LCORL: variants seen among roughly 807,000 people sequenced by gnomAD.
The protein encoded by LCORL is ligand-dependent nuclear receptor corepressor-like protein.
In LCORL, 41 loss-of-function variants were observed where a neutral mutation model predicts 141.8. The ratio of observed to expected loss-of-function variants is 0.29; its 90% CI spans 0.23 to 0.38. The LOEUF is 0.38. Among genes scored for constraint, LCORL ranks in the 10% least tolerant of loss-of-function variants. LCORL has a pLI of 1.00. For missense variants in LCORL, 1,759 were observed against 2,035.0 expected, an observed-to-expected ratio of 0.86 and a Z score of 2.61; for synonymous variants, 618 against 694.1, an observed-to-expected ratio of 0.89 and a Z score of 1.72.
chr4:17,954,592 G>A (rs977318973), intron 4 of LCORL, among the ~76,000 whole-genome samples: 3 of 11,794 alleles, frequency 2.5e-4, no homozygotes, highest in Non-Finnish European at 4.3e-4. Flanking sequence ...TGGTAAGATG[G>A]GGGGAGAAGT....
At chr4:17,938,898 C>T (rs1422135148) in intron 4 of LCORL, among the ~76,000 whole-genome samples, 1 of 152,074 alleles carries the variant, frequency 6.6e-6, no homozygotes, top group East Asian at 1.9e-4. Flanking sequence ...TCTTTACCTA[C>T]CCTAGGGAGG....
rs142884615 is a variant in LCORL, at chr4:17,909,311, T to C, written c.465A>G (p.Leu155=). 42 of 1,608,058 alleles carry C rather than the reference T, an allele frequency of 2.6e-5. No homozygotes were observed. The African/African-American group carries it at 5.5e-4, about 21-fold the overall frequency. Residue 155 remains leucine (L), a synonymous_variant, in exon 5 of 8, where the codon CTA becomes CTG. Transcript: ENST00000635767. ...TCTTTTTCATTAATTCCTGAGCAAC[T>C]AGGGGAATGTTAGGATCACAGTTCT...
chr4:17,874,855 T>G, exon 7 of LCORL: 1 of 1,233,780 alleles, frequency 8.1e-7, no homozygotes. Flanking sequence ...ATTTTCATCT[T>G]TGAGTGCCTA....
intron 6 of LCORL, among the ~76,000 whole-genome samples, chr4:17,880,151 A>C (rs1727367503): frequency 6.6e-6 from 1 of 151,048 alleles, no homozygotes; most frequent in Admixed American, 6.6e-5. Context: ...CAGCTTAAAA[A>C]AGGTATAAAT....
intron 7 of LCORL, among the ~76,000 whole-genome samples, chr4:17,863,938 G>C (rs74619517): frequency 6.6e-6 from 1 of 152,084 alleles, no homozygotes; most frequent in African/African-American, 2.4e-5. Context: ...GTAAGTGGAA[G>C]TTAAATACTG....
chr4:17,939,530 C>T lies in LCORL; in HGVS notation c.430+22373G>A, dbSNP rs1177662600. Among the ~76,000 whole-genome samples the T allele has an allele frequency of 2.0e-5, 3 of 152,152 alleles. No homozygotes were observed. The South Asian group carries it at 6.2e-4, about 32-fold the overall frequency. ...ACTTACACAAGAATGTTCATAGCAG[C>T]CTCATTAATAATCCCTAGCTATTTA... On this transcript the variant is annotated intron_variant, in intron 4 of 7. Transcript: ENST00000635767.
At chr4:17,892,308 G>A (rs899392558) in intron 5 of LCORL, among the ~76,000 whole-genome samples, 17 of 149,184 alleles carry the variant, frequency 1.1e-4, no homozygotes, top group African/African-American at 3.9e-4. Context: ...TCCTGGGTTC[G>A]AGTGATTCTC....
chr4:17,861,427 C>A (rs984111697), intron 7 of LCORL, among the ~76,000 whole-genome samples: 1 of 152,192 alleles, frequency 6.6e-6, no homozygotes, highest in Non-Finnish European at 1.5e-5. Context: ...GGACACAGGG[C>A]ACCAGGTCCC....
chr4:17,970,884 A>G (rs1033811492), intron 2 of LCORL, among the ~76,000 whole-genome samples: 2 of 152,218 alleles, frequency 1.3e-5, no homozygotes, highest in African/African-American at 2.4e-5. Context: ...GAACCCAAAT[A>G]AAATTCTATT....
At chr4:17,961,720 C>T (rs1713822232) in intron 4 of LCORL, among the ~76,000 whole-genome samples, 183 bp downstream of exon 4, 1 of 151,792 alleles carries the variant, frequency 6.6e-6, no homozygotes, top group Non-Finnish European at 1.5e-5. Flanking sequence ...ATGCCTAATA[C>T]AAGACTAGTA....
At chr4:17,864,493 C>T (rs1225859843) in intron 7 of LCORL, among the ~76,000 whole-genome samples, 1 of 152,096 alleles carries the variant, frequency 6.6e-6, no homozygotes, top group African/African-American at 2.4e-5. Context: ...TGAGCCGCCT[C>T]ACCTGGCCAG....
In LCORL at chr4:17,972,844, G is replaced by A. The variant is rs368138662; in HGVS notation, c.196C>T (p.Arg66Ter). The A allele has an allele frequency of 2.8e-6, 4 of 1,434,470 alleles. No homozygotes were observed. Among genetic ancestry groups the A allele is most frequent in the South Asian group, 1.7e-5 (1 of 60,538 alleles). 88.9% of individuals were successfully genotyped at this position (1,434,470 alleles called of 1,614,324 possible). ...CCTTCAAATAAACTGAGGTCTCTTC[G>A]TAGCCGTGGTCCATAAAGCCCTTCT... The change falls in exon 2 of 8, where the codon CGA (arginine) becomes TGA (stop). Residue 66 changes from arginine to a stop codon, truncating the protein, a stop_gained. Transcript: ENST00000635767. LOFTEE classifies it high-confidence loss of function.
At chr4:17,971,738 T>G (rs1429686920) in intron 2 of LCORL, among the ~76,000 whole-genome samples, 1 of 151,766 alleles carries the variant, frequency 6.6e-6, no homozygotes, top group African/African-American at 2.4e-5. Flanking sequence ...ACTTTCAATC[T>G]GATAGTAAAC....
At chr4:17,857,380 A>G (rs1180692782) in intron 7 of LCORL, among the ~76,000 whole-genome samples, 4 of 152,236 alleles carry the variant, frequency 2.6e-5, no homozygotes, top group African/African-American at 9.6e-5. Context: ...AAAAGAATCA[A>G]TGAAAAGAAC....
exon 7 of LCORL, chr4:17,876,744 C>T: frequency 8.1e-7 from 1 of 1,230,784 alleles, no homozygotes; most frequent in East Asian, 3.2e-5. Context: ...TGGATTTTTC[C>T]TATCATTTTG....
rs1275279714 is a variant in LCORL at position 17,881,331 on chromosome 4, G to T, written c.777-3118C>A. The T allele has an allele frequency of 4.1e-6, 4 of 980,914 alleles. No individual in the cohort carries two copies. In the African/African-American group the frequency reaches 5.3e-5, roughly 13 times the overall value. 60.8% of individuals were successfully genotyped at this position (980,914 alleles called of 1,614,324 possible). On this transcript the variant is annotated intron_variant, in intron 6 of 7. Coordinates refer to ENST00000635767, the Ensembl canonical transcript of LCORL. ...AGTACTTTGAAAGTTTAACATAAAG[G>T]TCATCTTAATAGAATCACTGGGGAG...
Position 17,867,242 on chromosome 4 carries a change from A to G in LCORL, c.5602+6146T>C, listed in dbSNP as rs1199681324. On this transcript the variant is annotated intron_variant, in intron 7 of 7. Coordinates refer to ENST00000635767, the Ensembl canonical transcript of LCORL. The stretch of plus-strand genomic sequence containing the variant: ...ACGAACAAGATAGGATGACCTTAAT[A>G]TATTTTTTAAAAGCCAACAACTTAT... Among the ~76,000 whole-genome samples, 3 of 152,100 alleles carry G rather than the reference A, an allele frequency of 2.0e-5. No homozygotes were observed. The East Asian group carries it at 5.8e-4, about 29-fold the overall frequency.
chr4:17,888,261 G>A (rs1728575276), intron 5 of LCORL, among the ~76,000 whole-genome samples: 2 of 152,062 alleles, frequency 1.3e-5, no homozygotes, highest in South Asian at 4.1e-4. Flanking sequence ...GATTAGAAGG[G>A]TAAAAGGGGG....
intron 5 of LCORL, among the ~76,000 whole-genome samples, chr4:17,888,305 T>C (rs1728586770): frequency 6.6e-6 from 1 of 152,074 alleles, no homozygotes; most frequent in African/African-American, 2.4e-5. Flanking sequence ...GCACAGAGTA[T>C]CTCGAAAAAT....
Sources: allele counts gnomAD v4.1 joint callset (sites outside exome capture counted in the v4.1 genomes callset), GRCh38; gene constraint gnomAD v4.1.1; transcripts MANE v1.5; gene names NCBI Gene and HGNC (gene_info 2026-07-23, HGNC 2026-07-21).